The following PSG3 variants were observed in gnomAD, a reference collection of about 807,000 sequenced individuals.
PSG3 encodes the protein pregnancy specific beta-1-glycoprotein 3.
Under a neutral mutation model 47.5 loss-of-function variants are expected in PSG3, and 61 were observed. The ratio of observed to expected loss-of-function variants is 1.28; its 90% CI spans 1.05 to 1.59. PSG3 has a LOEUF of 1.59. Among genes scored for constraint, PSG3 ranks in the 40% most tolerant of loss-of-function variants. The probability of loss-of-function intolerance (pLI) is 0.00; values close to 1 mark genes in which losing one functional copy is unlikely to be tolerated. For synonymous variants in PSG3, 263 were observed against 198.4 expected (o/e 1.33, Z -2.74); for missense variants, 756 against 524.0 (o/e 1.44, Z -4.32).
intron 2 of PSG3, among the ~76,000 whole-genome samples, chr19:42,737,393 C>T (rs932381027): frequency 1.3e-5 from 2 of 151,988 alleles, no homozygotes; most frequent in African/African-American, 4.8e-5. Flanking sequence ...TCTCGCTGGG[C>T]CTATGGTGGT....
At position 42,721,919 on chromosome 19, in the gene PSG3, G is replaced by A. The variant is rs1350918454; in HGVS notation, c.*212C>T. On this transcript the variant is annotated 3_prime_UTR_variant, in exon 7 of 7. Coordinates refer to ENST00000327495, the MANE Select transcript of PSG3 (RefSeq NM_021016.4). Reference sequence around the variant, plus strand: ...TTGTCTTGAATTTCATGAAGTATCAGCCTGTTCATTAAAATTTTGAAAGTT... The same window carrying A: ...TTGTCTTGAATTTCATGAAGTATCAACCTGTTCATTAAAATTTTGAAAGTT... 3 of 415,126 alleles carry A rather than the reference G, an allele frequency of 7.2e-6. No homozygotes were observed. Among genetic ancestry groups the A allele is most frequent in the Admixed American group, 8.8e-5 (2 of 22,720 alleles). The allele number at this position is 415,126 out of a possible 1,614,324, so 25.7% of individuals were successfully genotyped here.
intron 5 of PSG3, among the ~76,000 whole-genome samples, chr19:42,725,217 AG>A (rs758394563): frequency 6.6e-6 from 1 of 152,198 alleles, no homozygotes; most frequent in South Asian, 2.1e-4. Context: ...GTATGAAGAA[AG>A]CACTCTTATT....
rs1308548494 is a variant in PSG3 at position 42,740,401 on chromosome 19, G to T, written c.-17C>A. ...GGGCCCCATGGTCTCTGCTGCCTGCGTGTTCTCCTCTGTGGAGCTGAGCCT... is the reference window on the plus strand; with the variant it reads ...GGGCCCCATGGTCTCTGCTGCCTGCTTGTTCTCCTCTGTGGAGCTGAGCCT... On this transcript the variant is annotated 5_prime_UTR_variant, in exon 1 of 7. Coordinates refer to ENST00000327495, the MANE Select transcript of PSG3 (RefSeq NM_021016.4). 9 of 1,613,992 alleles carry T rather than the reference G, an allele frequency of 5.6e-6. No individual in the cohort carries two copies. Among genetic ancestry groups the T allele is most frequent in the East Asian group, 2.2e-5 (1 of 44,872 alleles).
chr19:42,722,415 T>A (rs1487009143), intron 6 of PSG3, among the ~76,000 whole-genome samples: 8 of 152,274 alleles, frequency 5.3e-5, no homozygotes, highest in South Asian at 4.1e-4. Flanking sequence ...CAAGCCCGGC[T>A]AATTTTGTTT....
intron 3 of PSG3, chr19:42,732,326 G>C (rs566199101): frequency 4.8e-6 from 1 of 208,814 alleles, no homozygotes; most frequent in African/African-American, 2.3e-5. Flanking sequence ...GAGCTTGGGG[G>C]CTTCCCCTGT....
chr19:42,735,343 C>G (rs1223849366), intron 2 of PSG3, among the ~76,000 whole-genome samples: 1 of 152,030 alleles, frequency 6.6e-6, no homozygotes, highest in Admixed American at 6.6e-5. Flanking sequence ...CAGTAAGTAT[C>G]AAAAGCATTC....
At chr19:42,732,516 AC>A (rs1831210667) in intron 3 of PSG3, 1 of 785,002 alleles carries the variant, frequency 1.3e-6, no homozygotes, top group African/African-American at 1.7e-5. Flanking sequence ...TGCTGTGTTC[AC>A]TGATCTGGAG....
chr19:42,730,562 G>C (rs1969457052), intron 3 of PSG3, among the ~76,000 whole-genome samples: 1 of 152,230 alleles, frequency 6.6e-6, no homozygotes, highest in Admixed American at 6.5e-5. Flanking sequence ...CCTGGGACTG[G>C]ATGTTTCAGC....
rs757088863 is a variant in PSG3 at position 42,729,392 on chromosome 19, A to T, written c.989-15T>A. Reference sequence around the variant, plus strand: ...GTCTGGACCATCTGGAGCAAAGAGAATAAAGCCACAGGTGATGTCATCCGA... The same window carrying T: ...GTCTGGACCATCTGGAGCAAAGAGATTAAAGCCACAGGTGATGTCATCCGA... On this transcript the variant is annotated splice_polypyrimidine_tract_variant and intron_variant, in intron 4 of 6. Transcript: ENST00000327495. 54 of 1,605,704 alleles carry T rather than the reference A, an allele frequency of 3.4e-5. No homozygotes were observed. Among genetic ancestry groups the T allele is most frequent in the Non-Finnish European group, 3.8e-5 (45 of 1,175,488 alleles).
chr19:42,721,654 G>T lies in PSG3; in HGVS notation c.*477C>A. The T allele has an allele frequency of 3.7e-6, 1 of 268,752 alleles. No individual in the cohort carries two copies. 16.6% of individuals were successfully genotyped at this position (268,752 alleles called of 1,614,324 possible). On this transcript the variant is annotated 3_prime_UTR_variant, in exon 7 of 7. Transcript: ENST00000327495. ...AGCAGATCCTTACTGAACTTGTGCA[G>T]ATAACTTTATTACCATAAACATATG...
chr19:42,739,851 T>C (rs553478629), intron 1 of PSG3, among the ~76,000 whole-genome samples: 50 of 152,348 alleles, frequency 3.3e-4, no homozygotes, highest in Admixed American at 1.1e-3. Context: ...TTACCAATTC[T>C]GGTTCCTGTG....
chr19:42,733,799 T>G (rs1461715885), intron 2 of PSG3: 1 of 152,468 alleles, frequency 6.6e-6, no homozygotes, highest in African/African-American at 2.4e-5. Flanking sequence ...TCTGGGTCCA[T>G]GATGCTCCCT....
chr19:42,736,791 T>C (rs1396872701), intron 2 of PSG3, among the ~76,000 whole-genome samples: 3 of 152,082 alleles, frequency 2.0e-5, no homozygotes, highest in Non-Finnish European at 2.9e-5. Context: ...CAGTGGAAAC[T>C]CATTCTCTTA....
chr19:42,725,554 T>G (rs1302122661), intron 5 of PSG3, among the ~76,000 whole-genome samples: 1 of 152,030 alleles, frequency 6.6e-6, no homozygotes, highest in Non-Finnish European at 1.5e-5. Flanking sequence ...AGTTTAAAAT[T>G]CCTAAAATCA....
At chr19:42,732,721 T>C (rs1969492515) in intron 3 of PSG3, 63 bp downstream of exon 3, 1 of 1,614,010 alleles carries the variant, frequency 6.2e-7, no homozygotes, top group Non-Finnish European at 8.5e-7. Context: ...CTGAGAGGCC[T>C]GGCCTCTGGC....
intron 3 of PSG3, 106 bp from the exon 4 acceptor site, chr19:42,730,162 C>A: frequency 1.3e-6 from 2 of 1,541,916 alleles, no homozygotes; most frequent in African/African-American, 2.7e-5. Context: ...CCACCCGAGT[C>A]CTTGAAAGCC....
intron 5 of PSG3, among the ~76,000 whole-genome samples, chr19:42,724,367 G>A (rs1443482386): frequency 6.6e-6 from 1 of 152,124 alleles, no homozygotes; most frequent in East Asian, 1.9e-4. Context: ...TGTCTCTGTT[G>A]TGGCAGTCAT....
rs150813172 is a variant in PSG3, at chr19:42,738,935, C to T, written c.219G>A (p.Lys73=). Residue 73 remains lysine, a synonymous_variant, in exon 2 of 7, where the codon AAG becomes AAA. Coordinates refer to ENST00000327495, the MANE Select transcript of PSG3 (RefSeq NM_021016.4). ...AGYIWYKGQM[K]DLYHYITSYV... is the part of the protein sequence containing the mutation. Reference sequence around the variant, plus strand: ...ATGATGTAATGTAATGGTAGAGGTCCTTCATTTGCCCTTTGTACCAGATGT... The same window carrying T: ...ATGATGTAATGTAATGGTAGAGGTCTTTCATTTGCCCTTTGTACCAGATGT... The T allele has an allele frequency of 8.7e-6, 14 of 1,613,854 alleles. No homozygotes were observed. The African/African-American group carries it at 1.2e-4, about 14-fold the overall frequency.
chr19:42,722,172 C>T (rs1434304291), intron 6 of PSG3, 82 bp from the exon 7 acceptor site: 3 of 402,210 alleles, frequency 7.5e-6, no homozygotes, highest in African/African-American at 6.2e-5. Context: ...CTCACAAAAT[C>T]TAGTTACTTC....
Sources: gnomAD v4.1 joint callset for allele counts (sites outside exome capture counted in the v4.1 genomes callset) on GRCh38, gnomAD v4.1.1 for gene constraint, MANE v1.5 for transcripts, NCBI Gene and HGNC (gene_info 2026-07-23, HGNC 2026-07-21) for gene names.